Variants in TMOD2 observed in about 807,000 individuals in gnomAD.
TMOD2 encodes the protein tropomodulin 2, also known as tropomodulin-2.
Under a neutral mutation model 39.9 loss-of-function variants are expected in TMOD2, and 22 were observed. The ratio of observed to expected loss-of-function variants is 0.55; its 90% CI spans 0.39 to 0.79. The LOEUF is 0.79. TMOD2 is among the 30% of genes least tolerant of loss of function. TMOD2 has a pLI of 0.00. For synonymous variants in TMOD2, 123 were observed against 146.1 expected, an observed-to-expected ratio of 0.84 and a Z score of 1.14; for missense variants, 386 against 413.3, an observed-to-expected ratio of 0.93 and a Z score of 0.57.
At chr15:51,780,939 T>A (rs944671171) in intron 5 of TMOD2, 105 bp from the exon 6 acceptor site, 23 of 864,086 alleles carry the variant, frequency 2.7e-5, no homozygotes, top group Non-Finnish European at 3.7e-5. Flanking sequence ...GCTATTAAAG[T>A]GTTATTGGAA....
In TMOD2 at chr15:51,816,013, T is replaced by C. The variant is rs960348428; in HGVS notation, c.*7559T>C. ...TTTTCCATTTGAAACTTCAATCAAATCAAGACTATTATATTCATTAGGGAA... is the reference window on the plus strand; with the variant it reads ...TTTTCCATTTGAAACTTCAATCAAACCAAGACTATTATATTCATTAGGGAA... On this transcript the variant is annotated 3_prime_UTR_variant, in exon 10 of 10. Transcript: ENST00000249700. 4 of 152,212 alleles carry C rather than the reference T, an allele frequency of 2.6e-5. No homozygotes were observed. Among genetic ancestry groups the C allele is most frequent in the Non-Finnish European group, 4.4e-5 (3 of 68,012 alleles). The allele number at this position is 152,212 out of a possible 1,614,324, so 9.4% of individuals were successfully genotyped here. A position where few individuals can be genotyped will look rare whatever the true frequency, so the allele number is the denominator to read the frequency against.
intron 2 of TMOD2, 93 bp downstream of exon 2, chr15:51,766,660 C>T (rs534051545): frequency 1.5e-5 from 20 of 1,352,224 alleles, no homozygotes; most frequent in Middle Eastern, 2.1e-4. Context: ...TCCCTTAGCT[C>T]GGAATGCACA....
In TMOD2 at chr15:51,773,765, G is replaced by A. The variant is rs2055869303; in HGVS notation, c.337G>A (p.Val113Met). 1 of 1,613,404 alleles carries A rather than the reference G, an allele frequency of 6.2e-7. No homozygotes were observed. The highest frequency in any genetic ancestry group is 1.7e-5 in the Admixed American group (1 of 59,846). ...TATAGAAACTCGTAAAGAAGAAAAA[G>A]TGACCCTTGACCCAGAACTGGAAGA... ...KPIETRKEEKVTLDPELEEAL... is the reference protein window; with the variant it reads ...KPIETRKEEKMTLDPELEEAL... Residue 113 changes from valine (V) to methionine (M), a missense_variant, in exon 4 of 10, where the codon GTG becomes ATG. Coordinates refer to ENST00000249700, the MANE Select transcript of TMOD2 (RefSeq NM_014548.4).
In TMOD2 at chr15:51,766,543, T is replaced by A. The variant is rs144565727; in HGVS notation, c.102T>A (p.Asn34Lys). Residue 34 changes from asparagine to lysine, a missense_variant, in exon 2 of 10, where the codon AAT becomes AAA. Transcript: ENST00000249700. The part of the protein sequence containing the change: ...LSEEELKQLE[N>K]VLDDLDPESA... ...AAGAGGAACTGAAACAGTTGGAAAA[T>A]GTTCTAGATGACCTAGATCCTGAGG... The A allele has an allele frequency of 3.1e-6, 5 of 1,613,962 alleles. No homozygotes were observed. The highest frequency in any genetic ancestry group is 3.4e-6 in the Non-Finnish European group (4 of 1,179,994).
intron 7 of TMOD2, among the ~76,000 whole-genome samples, chr15:51,797,060 T>C (rs1271590747): frequency 6.6e-6 from 1 of 152,244 alleles, no homozygotes; most frequent in Non-Finnish European, 1.5e-5. Context: ...GCATGCAATT[T>C]AAAACTTATG....
intron 6 of TMOD2, 107 bp from the exon 7 acceptor site, chr15:51,782,614 C>T (rs560211529): frequency 7.2e-6 from 6 of 830,106 alleles, no homozygotes; most frequent in East Asian, 2.6e-5. Flanking sequence ...GAAGGGATAT[C>T]GTGTATTTAT....
rs1249409431 is a variant in TMOD2, at chr15:51,813,348, T to A, written c.*4894T>A. On this transcript the variant is annotated 3_prime_UTR_variant, in exon 10 of 10. Coordinates refer to ENST00000249700, the MANE Select transcript of TMOD2 (RefSeq NM_014548.4). ...TTCTGTTCTAGGAATAGTGCATGTT[T>A]TAGAGGCTTTGCCAGTTGGGATACA... is the stretch of plus-strand genomic sequence containing the variant. 6.6e-6 allele frequency: 1 copy of A among 152,174 alleles called. No homozygotes were observed. The highest frequency in any genetic ancestry group is 1.5e-5 in the Non-Finnish European group (1 of 68,030). 9.4% of individuals were successfully genotyped at this position (152,174 alleles called of 1,614,324 possible). A position where few individuals can be genotyped will look rare whatever the true frequency, so the allele number is the denominator to read the frequency against.
chr15:51,806,425 G>C lies in TMOD2; in HGVS notation c.925G>C (p.Glu309Gln). 6.2e-7 allele frequency: 1 copy of C among 1,614,214 alleles called. No homozygotes were observed. The highest frequency in any genetic ancestry group is 8.5e-7 in the Non-Finnish European group (1 of 1,180,032). Residue 309 changes from glutamate to glutamine, a missense_variant, in exon 9 of 10, where the codon GAG becomes CAG. By Grantham distance (29) the Glu-to-Gln change is conservative. Coordinates refer to ENST00000249700, the MANE Select transcript of TMOD2 (RefSeq NM_014548.4). ...AVEMEIAQML[E>Q]ENSRILKFGY... The stretch of plus-strand genomic sequence containing the variant: ...AGAGATGGAAATTGCCCAGATGCTG[G>C]AGGAGAATTCAAGGATCCTCAAGTT...
chr15:51,795,806 G>A (rs2056047376), intron 7 of TMOD2, among the ~76,000 whole-genome samples: 1 of 151,512 alleles, frequency 6.6e-6, no homozygotes, highest in Admixed American at 6.6e-5. Context: ...TGCTTATTTT[G>A]TAATTCTAGA....
intron 3 of TMOD2, among the ~76,000 whole-genome samples, chr15:51,770,961 G>T (rs1232751889): frequency 2.6e-5 from 4 of 152,178 alleles, no homozygotes; most frequent in African/African-American, 9.7e-5. Flanking sequence ...CTTCAATGAA[G>T]TCCCAATTAA....
chr15:51,798,128 G>C (rs1174865379), intron 7 of TMOD2, 69 bp from the exon 8 acceptor site: 2 of 1,379,014 alleles, frequency 1.5e-6, no homozygotes, highest in Non-Finnish European at 2.0e-6. Flanking sequence ...TTGGGAGTGA[G>C]GGGTTTAGTA....
intron 4 of TMOD2, 62 bp from the exon 5 acceptor site, chr15:51,776,870 A>G (rs1330436869): frequency 3.7e-6 from 5 of 1,339,476 alleles, no homozygotes; most frequent in Non-Finnish European, 5.4e-6. Flanking sequence ...GGGACAAATT[A>G]ACAATGTGGA....
At chr15:51,780,057 A>G (rs181835165) in intron 5 of TMOD2, among the ~76,000 whole-genome samples, 50 of 152,282 alleles carry the variant, frequency 3.3e-4, no homozygotes, top group African/African-American at 1.1e-3. Flanking sequence ...CCATTTTCAT[A>G]TTGGTGGACA....
rs541349816 is a variant in TMOD2 at position 51,781,191 on chromosome 15, A to G, written c.624+17A>G. On this transcript the variant is annotated intron_variant, in intron 6 of 9. Coordinates refer to ENST00000249700, the MANE Select transcript of TMOD2 (RefSeq NM_014548.4). ...AACATTAAGGTATTTCATTGTGATT[A>G]TCATCAGTCAGTTAATTTATCATGA... 1.3e-6 allele frequency: 2 copies of G among 1,582,858 alleles called. No homozygotes were observed. The highest frequency in any genetic ancestry group is 1.7e-6 in the Non-Finnish European group (2 of 1,169,324).
intron 7 of TMOD2, among the ~76,000 whole-genome samples, chr15:51,789,539 G>A (rs1246794667): frequency 3.3e-5 from 5 of 152,038 alleles, no homozygotes; most frequent in Admixed American, 1.3e-4. Context: ...CTCTCCACCC[G>A]AAATCAACAG....
At chr15:51,775,570 C>CTTTTTTTTTTTTTTTTTTTT (rs869308022) in intron 4 of TMOD2, among the ~76,000 whole-genome samples, 2 of 81,210 alleles carry the variant, frequency 2.5e-5, no homozygotes, top group Non-Finnish European at 2.1e-5. Context: ...ATTCTTTTTC[C>CTTTTTTTTTTTTTTTTTTTT]TTTTTTTTTT....
rs1402672433 is a variant in TMOD2 at position 51,813,256 on chromosome 15, A to G, written c.*4802A>G. The G allele has an allele frequency of 1.3e-5, 2 of 152,242 alleles. No homozygotes were observed. The highest frequency in any genetic ancestry group is 2.9e-5 in the Non-Finnish European group (2 of 68,046). 9.4% of individuals were successfully genotyped at this position (152,242 alleles called of 1,614,324 possible). The stretch of plus-strand genomic sequence containing the variant: ...TCTTTCCCATCTGTCTGTAATAGCA[A>G]TGACTGAATAATCAGTAGACCAATG... On this transcript the variant is annotated 3_prime_UTR_variant, in exon 10 of 10. Transcript: ENST00000249700.
At chr15:51,785,902 C>T (rs2055966406) in intron 7 of TMOD2, among the ~76,000 whole-genome samples, 1 of 152,100 alleles carries the variant, frequency 6.6e-6, no homozygotes, top group African/African-American at 2.4e-5. Context: ...ATATTACATA[C>T]ACCCCCAAAA....
rs913506621 is a variant in TMOD2, at chr15:51,812,527, C to T, written c.*4073C>T. On this transcript the variant is annotated 3_prime_UTR_variant, in exon 10 of 10. Transcript: ENST00000249700. ...GTACTCAGCCCCCTCCTAGGCACTA[C>T]GAAGAAGACAGAGGAAGCATAAAAA... 6.6e-6 allele frequency: 1 copy of T among 152,116 alleles called. No homozygotes were observed. Among genetic ancestry groups the T allele is most frequent in the African/African-American group, 2.4e-5 (1 of 41,428 alleles). The allele number at this position is 152,116 out of a possible 1,614,324, so 9.4% of individuals were successfully genotyped here. A position where few individuals can be genotyped will look rare whatever the true frequency, so the allele number is the denominator to read the frequency against.
Sources: gnomAD v4.1 joint callset for allele counts (sites outside exome capture counted in the v4.1 genomes callset) on GRCh38, gnomAD v4.1.1 for gene constraint, MANE v1.5 for transcripts, NCBI Gene and HGNC (gene_info 2026-07-23, HGNC 2026-07-21) for gene names.